Variants in BACH2 observed in about 807,000 individuals in gnomAD.
The protein encoded by BACH2 is BACH transcriptional regulator 2.
A neutral mutation model predicts 61.8 loss-of-function variants in BACH2; 5 were observed. The ratio of observed to expected loss-of-function variants is 0.08; its 90% CI spans 0.04 to 0.17. BACH2 has a LOEUF of 0.17. BACH2 is among the 10% of genes least tolerant of loss of function. The pLI is 1.00. For missense variants in BACH2, 824 were observed against 1,091.1 expected, an observed-to-expected ratio of 0.76 and a Z score of 3.45; for synonymous variants, 446 against 440.1, an observed-to-expected ratio of 1.01 and a Z score of -0.17.
chr6:90,213,254 G>A (rs1769418066), intron 3 of BACH2, among the ~76,000 whole-genome samples: 1 of 152,204 alleles, frequency 6.6e-6, no homozygotes, highest in African/African-American at 2.4e-5. Flanking sequence ...AGCCCCATGT[G>A]CCAAGAGCTT....
intron 4 of BACH2, among the ~76,000 whole-genome samples, chr6:90,201,932 T>C (rs965469782): frequency 2.6e-5 from 4 of 152,162 alleles, no homozygotes; most frequent in Admixed American, 6.5e-5. Context: ...TCTTTTATGT[T>C]TATTATTCAC....
At chr6:90,295,323 C>T (rs1277252228) in intron 1 of BACH2, among the ~76,000 whole-genome samples, 1 of 152,222 alleles carries the variant, frequency 6.6e-6, no homozygotes, top group Non-Finnish European at 1.5e-5. Flanking sequence ...CCCATGCGCC[C>T]GCGACCCCAG....
At chr6:90,195,639 G>A (rs1036907977) in intron 4 of BACH2, among the ~76,000 whole-genome samples, 1 of 152,092 alleles carries the variant, frequency 6.6e-6, no homozygotes, top group Non-Finnish European at 1.5e-5. Flanking sequence ...GTATTGATTC[G>A]CTGCACTTTG....
intron 6 of BACH2, among the ~76,000 whole-genome samples, chr6:89,959,097 G>GCACGCACACACACACACA: frequency 7.4e-6 from 1 of 134,484 alleles, no homozygotes; most frequent in East Asian, 2.3e-4. Flanking sequence ...ATGCACAAGT[G>GCACGCACACACACACACA]CACACACACA....
chr6:90,294,459 A>G (rs531840150), intron 1 of BACH2, among the ~76,000 whole-genome samples: 1 of 152,346 alleles, frequency 6.6e-6, no homozygotes, highest in African/African-American at 2.4e-5. Context: ...AAACCAGAAT[A>G]CTAGAAGGGA....
intron 4 of BACH2, among the ~76,000 whole-genome samples, chr6:90,185,030 G>T (rs906884162): frequency 6.6e-6 from 1 of 152,136 alleles, no homozygotes; most frequent in Non-Finnish European, 1.5e-5. Flanking sequence ...AATGTCAGCC[G>T]GTATGAATGG....
chr6:90,086,722 C>A (rs974551468), intron 5 of BACH2, among the ~76,000 whole-genome samples: 9 of 152,172 alleles, frequency 5.9e-5, no homozygotes, highest in African/African-American at 2.2e-4. Flanking sequence ...CAAAGGTCAT[C>A]CCACAGGAAC....
intron 3 of BACH2, among the ~76,000 whole-genome samples, chr6:90,218,766 G>T (rs1344646206): frequency 6.6e-6 from 1 of 152,132 alleles, no homozygotes; most frequent in Non-Finnish European, 1.5e-5. Context: ...CAGTTCCTTA[G>T]ATAACACAGG....
chr6:90,095,261 CAG>C (rs1166308436), intron 4 of BACH2, among the ~76,000 whole-genome samples: 10 of 150,594 alleles, frequency 6.6e-5, no homozygotes, highest in African/African-American at 2.2e-4. Flanking sequence ...ATCTTTCAAA[CAG>C]AATTTAAACA....
chr6:90,011,932 A>ATGTGTGTGTGTGTGTGTGTGTG (rs71027919), intron 5 of BACH2, among the ~76,000 whole-genome samples: 15 of 114,280 alleles, frequency 1.3e-4, no homozygotes, highest in Non-Finnish European at 2.0e-4. Context: ...AAAAAAAAAT[A>ATGTGTGTGTGTGTGTGTGTGTG]TGTGTGTGTG....
At chr6:90,070,584 G>A (rs1781180032) in intron 5 of BACH2, among the ~76,000 whole-genome samples, 1 of 152,150 alleles carries the variant, frequency 6.6e-6, no homozygotes. Context: ...GGGCTATCTG[G>A]TTCGTGCTCC....
Position 89,928,815 on chromosome 6 carries a change from TTGCTGGGAACTC to T in BACH2, c.*3581_*3592del, listed in dbSNP as rs1772483709. ...AGCATCATCTCTGATGCCTGAGTCA[TTGCTGGGAACTC>T]AGAAGATAAATAGCAGGATGGCCTC... is the stretch of plus-strand genomic sequence containing the variant. On this transcript the variant is annotated 3_prime_UTR_variant, in exon 9 of 9. Transcript: ENST00000257749. 6.6e-6 allele frequency: 1 copy of T among 152,482 alleles called. No homozygotes were observed. Among genetic ancestry groups the T allele is most frequent in the Non-Finnish European group, 1.5e-5 (1 of 68,014 alleles). 9.4% of individuals were successfully genotyped at this position (152,482 alleles called of 1,614,324 possible).
At chr6:90,097,238 T>C (rs1287428221) in intron 4 of BACH2, among the ~76,000 whole-genome samples, 1 of 151,464 alleles carries the variant, frequency 6.6e-6, no homozygotes, top group Non-Finnish European at 1.5e-5. Flanking sequence ...GTGGACTACA[T>C]CTGTCCACGA....
At chr6:90,094,519 A>G (rs1782303669) in intron 4 of BACH2, among the ~76,000 whole-genome samples, 2 of 152,072 alleles carry the variant, frequency 1.3e-5, no homozygotes, top group Non-Finnish European at 2.9e-5. Flanking sequence ...ACCTCTTCCT[A>G]CCTTATTGGG....
chr6:90,291,524 G>GA (rs1341686202), intron 1 of BACH2, among the ~76,000 whole-genome samples: 21 of 101,658 alleles, frequency 2.1e-4, no homozygotes, highest in Non-Finnish European at 3.7e-4. Flanking sequence ...AAAGTAAAGG[G>GA]AAAAAATTAA....
intron 5 of BACH2, among the ~76,000 whole-genome samples, chr6:90,079,915 A>ATTTTTTTTTTTTTTT (rs557285186): frequency 7.1e-6 from 1 of 141,360 alleles, no homozygotes. Flanking sequence ...TTGTACTTTC[A>ATTTTTTTTTTTTTTT]TTTTTTTTTT....
intron 4 of BACH2, among the ~76,000 whole-genome samples, chr6:90,190,681 G>A (rs1404297204): frequency 2.0e-5 from 3 of 152,212 alleles, no homozygotes; most frequent in South Asian, 2.1e-4. Flanking sequence ...TTCTTTGTAA[G>A]CTGAAGCCCC....
At chr6:89,936,262 C>A (rs764321434) in intron 8 of BACH2, among the ~76,000 whole-genome samples, 4 of 152,140 alleles carry the variant, frequency 2.6e-5, no homozygotes, top group Non-Finnish European at 4.4e-5. Context: ...CCCAGCCTAA[C>A]TGGGGACTCA....
At chr6:90,019,571 A>G (rs1269443763) in intron 5 of BACH2, among the ~76,000 whole-genome samples, 5 of 151,876 alleles carry the variant, frequency 3.3e-5, no homozygotes, top group African/African-American at 9.7e-5. Flanking sequence ...AAAGAAATAT[A>G]CCTGATTGAT....
Sources: gnomAD v4.1 joint callset for allele counts (sites outside exome capture counted in the v4.1 genomes callset) on GRCh38, gnomAD v4.1.1 for gene constraint, MANE v1.5 for transcripts, NCBI Gene and HGNC (gene_info 2026-07-23, HGNC 2026-07-21) for gene names.